BCAR3: variants seen among roughly 807,000 people sequenced by gnomAD.
BCAR3 encodes the protein BCAR3 adaptor protein, NSP family member.
A neutral mutation model predicts 80.1 loss-of-function variants in BCAR3; 37 were observed. The observed-to-expected ratio is 0.46, with a 90% confidence interval of 0.36 to 0.61. BCAR3 has a LOEUF of 0.61. Ranked by LOEUF, BCAR3 falls within the 20% of genes least tolerant of loss-of-function variation. BCAR3 has a pLI of 0.00. For synonymous variants in BCAR3, 389 were observed against 418.9 expected (o/e 0.93, Z 0.87); for missense variants, 978 against 1,068.2 (o/e 0.92, Z 1.18).
intron 2 of BCAR3, among the ~76,000 whole-genome samples, chr1:93,780,844 C>A (rs1448010868): frequency 6.6e-6 from 1 of 152,214 alleles, no homozygotes. Context: ...ACATCCTTTG[C>A]ATTTACAAAG....
chr1:93,783,166 CATT>C (rs1222805707), intron 2 of BCAR3, among the ~76,000 whole-genome samples: 1 of 152,148 alleles, frequency 6.6e-6, no homozygotes, highest in African/African-American at 2.4e-5. Flanking sequence ...AATATCCTAT[CATT>C]GAGTGAGAAT....
Position 93,713,119 on chromosome 1 carries a change from T to G in BCAR3, c.-62-6977A>C, listed in dbSNP as rs183794470. 1.6e-3 allele frequency among the ~76,000 whole-genome samples: 245 copies of G among 152,350 alleles called. 1 individual carries two copies. Among genetic ancestry groups the G allele is most frequent in the African/African-American group, 5.7e-3 (235 of 41,576 alleles). On this transcript the variant is annotated intron_variant, in intron 2 of 13. Coordinates refer to the BCAR3 transcript ENST00000370244. ...TTGTGCATTTGATATGTGGCTAGTA[T>G]GACTGAGAAATTGCATGTTCAATTT...
At chr1:93,779,331 C>T (rs939750062) in intron 2 of BCAR3, among the ~76,000 whole-genome samples, 1 of 152,108 alleles carries the variant, frequency 6.6e-6, no homozygotes, top group Non-Finnish European at 1.5e-5. Flanking sequence ...GTGTTGTATG[C>T]CAGGCACTAT....
At chr1:93,781,936 G>T (rs576018000) in intron 2 of BCAR3, among the ~76,000 whole-genome samples, 1 of 152,280 alleles carries the variant, frequency 6.6e-6, no homozygotes, top group Non-Finnish European at 1.5e-5. Flanking sequence ...GCTAGGATAA[G>T]GTGCCTTTCT....
chr1:93,757,377 C>G (rs2100720077), intron 2 of BCAR3, among the ~76,000 whole-genome samples: 2 of 152,312 alleles, frequency 1.3e-5, no homozygotes, highest in East Asian at 3.9e-4. Context: ...GCGTTCACAT[C>G]TCACTCCACT....
At chr1:93,713,971 A>G (rs866439029) in intron 2 of BCAR3, among the ~76,000 whole-genome samples, 2 of 152,152 alleles carry the variant, frequency 1.3e-5, no homozygotes, top group Admixed American at 6.5e-5. Flanking sequence ...AATTAGAAAG[A>G]CAATTTTTAT....
At chr1:93,676,548 G>T (rs1324685325) in intron 1 of BCAR3, among the ~76,000 whole-genome samples, 3 of 152,190 alleles carry the variant, frequency 2.0e-5, no homozygotes, top group Non-Finnish European at 2.9e-5. Flanking sequence ...AGTGGGTGCA[G>T]AACAATAGGA....
At chr1:93,743,217 A>G (rs1651240612) in intron 2 of BCAR3, among the ~76,000 whole-genome samples, 3 of 152,332 alleles carry the variant, frequency 2.0e-5, no homozygotes, top group East Asian at 3.9e-4. Context: ...GGTGTATTTA[A>G]AACAATTATG....
At chr1:93,807,726 T>C (rs1282846646) in intron 2 of BCAR3, among the ~76,000 whole-genome samples, 1 of 152,180 alleles carries the variant, frequency 6.6e-6, no homozygotes, top group Non-Finnish European at 1.5e-5. Flanking sequence ...GCACTTCTTT[T>C]GGAAAGAAGT....
intron 2 of BCAR3, among the ~76,000 whole-genome samples, chr1:93,719,622 G>C (rs889491325): frequency 6.6e-6 from 1 of 152,132 alleles, no homozygotes; most frequent in African/African-American, 2.4e-5. Context: ...GATTACAGGT[G>C]TCAGCCACCC....
At chr1:93,572,211 A>G (rs993020426) in intron 8 of BCAR3, among the ~76,000 whole-genome samples, 1 of 152,172 alleles carries the variant, frequency 6.6e-6, no homozygotes, top group African/African-American at 2.4e-5. Flanking sequence ...GGTCCCCCAA[A>G]ACGCCTGAGA....
At chr1:93,650,269 C>T (rs1324906446) in intron 2 of BCAR3, among the ~76,000 whole-genome samples, 1 of 152,144 alleles carries the variant, frequency 6.6e-6, no homozygotes, top group Non-Finnish European at 1.5e-5. Flanking sequence ...CCTGTAATCC[C>T]AGCTATTTGG....
chr1:93,722,178 T>A lies in BCAR3; in HGVS notation c.-62-16036A>T, dbSNP rs1283558792. Among the ~76,000 whole-genome samples, 4 of 151,950 alleles carry A rather than the reference T, an allele frequency of 2.6e-5. No homozygotes were observed. In the East Asian group the frequency reaches 7.7e-4, roughly 29 times the overall value. On this transcript the variant is annotated intron_variant, in intron 2 of 13. Coordinates refer to the BCAR3 transcript ENST00000370244. Reference sequence around the variant, plus strand: ...GCCTATGGAAGGGAGGGCCTGGGGGTGACCTGGCTCCCGGTACCGGATCCC... The same window carrying A: ...GCCTATGGAAGGGAGGGCCTGGGGGAGACCTGGCTCCCGGTACCGGATCCC...
At chr1:93,565,009 A>G (rs1233425684) in intron 11 of BCAR3, among the ~76,000 whole-genome samples, 1 of 152,094 alleles carries the variant, frequency 6.6e-6, no homozygotes, top group African/African-American at 2.4e-5. Flanking sequence ...AGATCACAGG[A>G]TCTTGGTTGT....
intron 1 of BCAR3, among the ~76,000 whole-genome samples, chr1:93,676,854 A>T (rs772520537): frequency 4.6e-5 from 7 of 152,180 alleles, no homozygotes; most frequent in Non-Finnish European, 7.4e-5. Flanking sequence ...ATCTATTTCC[A>T]ATAGCATGAT....
chr1:93,704,164 T>TTC (rs1649748247), intron 3 of BCAR3, among the ~76,000 whole-genome samples: 1 of 152,176 alleles, frequency 6.6e-6, no homozygotes, highest in Non-Finnish European at 1.5e-5. Flanking sequence ...TGGAGGTGCC[T>TTC]TCATTTGGAA....
chr1:93,589,843 G>C (rs984871049), intron 4 of BCAR3, among the ~76,000 whole-genome samples: 1 of 152,198 alleles, frequency 6.6e-6, no homozygotes, highest in Admixed American at 6.5e-5. Context: ...AGGGTGGTTG[G>C]GGAGGTGTCA....
At chr1:93,631,624 C>G (rs1001806251) in intron 3 of BCAR3, among the ~76,000 whole-genome samples, 6 of 152,196 alleles carry the variant, frequency 3.9e-5, no homozygotes, top group African/African-American at 1.4e-4. Context: ...AGTTTCAATT[C>G]TTGCCTGCCT....
rs147776360 is a variant in BCAR3, at chr1:93,693,967, C to A, written c.-12+12125G>T. 5.5e-4 allele frequency among the ~76,000 whole-genome samples: 84 copies of A among 152,318 alleles called. 2 individuals are homozygous for A. Among genetic ancestry groups the A allele is most frequent in the East Asian group, 2.5e-3 (13 of 5,184 alleles). The stretch of plus-strand genomic sequence containing the variant: ...ACTCTGTGTGCTTTGCCCACTTAAT[C>A]CTCACGACAGCTCTTTGAGGCAGGT... On this transcript the variant is annotated intron_variant, in intron 3 of 13. Transcript: ENST00000370244.
Sources: allele counts gnomAD v4.1 joint callset (sites outside exome capture counted in the v4.1 genomes callset), GRCh38; gene constraint gnomAD v4.1.1; transcripts MANE v1.5; gene names NCBI Gene and HGNC (gene_info 2026-07-23, HGNC 2026-07-21).